Variants in NTM observed in about 807,000 individuals in gnomAD.
NTM encodes neurotrimin.
Under a neutral mutation model 42.1 loss-of-function variants are expected in NTM, and 13 were observed. That is an observed-to-expected ratio of 0.31 (90% CI 0.20 to 0.49). The LOEUF is 0.49. Ranked by LOEUF, NTM falls within the 20% of genes least tolerant of loss-of-function variation. The pLI, the probability that NTM is intolerant of heterozygous loss-of-function variation, is 0.99. For synonymous variants in NTM, 187 were observed against 179.2 expected (o/e 1.04, Z -0.35); for missense variants, 373 against 452.8 (o/e 0.82, Z 1.60).
intron 1 of NTM, among the ~76,000 whole-genome samples, chr11:131,834,619 C>CATAAACAT (rs2043237283): frequency 1.7e-5 from 1 of 57,698 alleles, no homozygotes; most frequent in African/African-American, 5.8e-5. Context: ...TATATATATA[C>CATAAACAT]ATATACATAT....
At chr11:131,571,031 GCCAGTTGTGCTGAATC>G (rs1413101677) in intron 1 of NTM, among the ~76,000 whole-genome samples, 1 of 152,202 alleles carries the variant, frequency 6.6e-6, no homozygotes, top group African/African-American at 2.4e-5. Context: ...TGGCTTTCCA[GCCAGTTGTGCTGAATC>G]CCAGTTCTGC....
At chr11:131,559,067 C>T (rs985278329) in intron 1 of NTM, among the ~76,000 whole-genome samples, 7 of 152,084 alleles carry the variant, frequency 4.6e-5, no homozygotes, top group South Asian at 4.2e-4. Flanking sequence ...AATTCAATAT[C>T]GAATTGAAGG....
Position 131,370,833 on chromosome 11 carries a change from C to T in NTM, c.27C>T (p.His9=), listed in dbSNP as rs1038004822. The change falls in exon 1 of 9, where the codon CAC becomes CAT. Residue 9 remains histidine (H), a synonymous_variant. Coordinates refer to ENST00000683400, the MANE Select transcript of NTM (RefSeq NM_001352005.2). ...TGAAAACCATCCAGCCAAAAATGCA[C>T]AATTCTATCTCTTGGGCAATCTTCA... is the stretch of plus-strand genomic sequence containing the variant. MKTIQPKM[H]NSISWAIFTG... 2.5e-6 allele frequency: 4 copies of T among 1,613,856 alleles called. No homozygotes were observed. The highest frequency in any genetic ancestry group is 1.3e-5 in the African/African-American group (1 of 74,916).
intron 3 of NTM, among the ~76,000 whole-genome samples, chr11:132,185,528 T>A (rs2078260808): frequency 6.6e-6 from 1 of 152,182 alleles, no homozygotes; most frequent in South Asian, 2.1e-4. Flanking sequence ...GATTTTGTTA[T>A]ACCACAAATA....
chr11:131,702,616 A>C (rs2076188029), intron 1 of NTM, among the ~76,000 whole-genome samples: 1 of 152,194 alleles, frequency 6.6e-6, no homozygotes, highest in Non-Finnish European at 1.5e-5. Flanking sequence ...GGAAGAAATG[A>C]ACCATCTCTC....
At chr11:131,519,904 G>A (rs1391124632) in intron 1 of NTM, among the ~76,000 whole-genome samples, 3 of 149,896 alleles carry the variant, frequency 2.0e-5, no homozygotes, top group African/African-American at 7.5e-5. Context: ...TTACTTTCAG[G>A]TCTTCATAGG....
intron 1 of NTM, among the ~76,000 whole-genome samples, chr11:131,884,051 C>T (rs775393519): frequency 6.6e-6 from 1 of 152,216 alleles, no homozygotes; most frequent in Non-Finnish European, 1.5e-5. Context: ...GGGATAAACT[C>T]ATTTAATCTG....
chr11:131,749,626 T>G (rs540042476), intron 1 of NTM, among the ~76,000 whole-genome samples: 114 of 152,232 alleles, frequency 7.5e-4, no homozygotes, highest in Admixed American at 1.6e-3. Flanking sequence ...GACATGGAAT[T>G]TTGCTCTTGT....
chr11:132,265,213 A>G (rs2093108109), intron 4 of NTM, among the ~76,000 whole-genome samples: 1 of 152,184 alleles, frequency 6.6e-6, no homozygotes, highest in Admixed American at 6.5e-5. Context: ...AAATGGGATT[A>G]CCCATCTCAA....
intron 1 of NTM, among the ~76,000 whole-genome samples, chr11:131,828,996 C>T (rs1052829086): frequency 6.6e-6 from 1 of 152,018 alleles, no homozygotes. Context: ...CTCTGTCTCT[C>T]TCTGCCTCCC....
At chr11:132,058,644 G>A (rs1016300858) in intron 2 of NTM, among the ~76,000 whole-genome samples, 27 of 152,106 alleles carry the variant, frequency 1.8e-4, no homozygotes, top group Non-Finnish European at 5.9e-5. Flanking sequence ...CCCTTATTTT[G>A]TGTGGGTTTG....
At chr11:132,163,279 A>C (rs896791349) in intron 3 of NTM, among the ~76,000 whole-genome samples, 3 of 152,210 alleles carry the variant, frequency 2.0e-5, no homozygotes, top group Non-Finnish European at 4.4e-5. Context: ...GTCCTTTCCT[A>C]GGGCACAATG....
chr11:131,505,591 A>G (rs1256499846), intron 1 of NTM, among the ~76,000 whole-genome samples: 2 of 152,186 alleles, frequency 1.3e-5, no homozygotes, highest in African/African-American at 4.8e-5. Context: ...ATCACACAGC[A>G]GGCAGCTGGC....
At chr11:131,569,769 A>G (rs2057282487) in intron 1 of NTM, among the ~76,000 whole-genome samples, 1 of 151,998 alleles carries the variant, frequency 6.6e-6, no homozygotes, top group South Asian at 2.1e-4. Context: ...TTTTGTAGAC[A>G]CTGGTCTTGC....
chr11:132,273,740 C>G (rs980459003), intron 4 of NTM, among the ~76,000 whole-genome samples: 4 of 152,038 alleles, frequency 2.6e-5, no homozygotes, highest in Non-Finnish European at 5.9e-5. Flanking sequence ...AACCCCGTCT[C>G]TACTAAAAAT....
At chr11:132,018,492 G>T (rs1275060204) in intron 2 of NTM, among the ~76,000 whole-genome samples, 1 of 151,900 alleles carries the variant, frequency 6.6e-6, no homozygotes, top group South Asian at 2.1e-4. Context: ...AGATGATCAT[G>T]TGGCTTTAAA....
At chr11:132,315,912 A>G (rs951153103) in intron 7 of NTM, among the ~76,000 whole-genome samples, 16 of 152,124 alleles carry the variant, frequency 1.1e-4, no homozygotes, top group East Asian at 3.9e-4. Context: ...AGGGATGATC[A>G]TAAGAGCCCC....
At chr11:131,545,259 G>A (rs966236613) in intron 1 of NTM, among the ~76,000 whole-genome samples, 2 of 152,074 alleles carry the variant, frequency 1.3e-5, no homozygotes, top group Non-Finnish European at 1.5e-5. Context: ...CTTTTTAAAT[G>A]CATGATACCT....
intron 2 of NTM, among the ~76,000 whole-genome samples, chr11:131,943,069 G>A (rs895127786): frequency 1.2e-4 from 19 of 152,290 alleles, no homozygotes; most frequent in African/African-American, 3.8e-4. Flanking sequence ...TGTTGGAGTC[G>A]TCAAGTGGAA....
Sources: gnomAD v4.1 joint callset for allele counts (sites outside exome capture counted in the v4.1 genomes callset) on GRCh38, gnomAD v4.1.1 for gene constraint, MANE v1.5 for transcripts, NCBI Gene and HGNC (gene_info 2026-07-23, HGNC 2026-07-21) for gene names.